Variants in EPHA5 observed in about 807,000 individuals in gnomAD.
The protein encoded by EPHA5 is ephrin type-A receptor 5.
In EPHA5, 60 loss-of-function variants were observed where a neutral mutation model predicts 105.0. The observed-to-expected ratio is 0.57, with a 90% confidence interval of 0.46 to 0.71. EPHA5 has a LOEUF of 0.71. EPHA5 is among the 30% of genes least tolerant of loss of function. The pLI is 0.00. For missense variants in EPHA5, 1,218 were observed against 1,274.7 expected (o/e 0.96, Z 0.68); for synonymous variants, 513 against 449.1 (o/e 1.14, Z -1.80).
At chr4:65,359,806 C>A (rs1442373200) in intron 11 of EPHA5, among the ~76,000 whole-genome samples, 1 of 151,680 alleles carries the variant, frequency 6.6e-6, no homozygotes, top group Non-Finnish European at 1.5e-5. Flanking sequence ...CTTAACCCAG[C>A]AGCCTTTCTG....
intron 3 of EPHA5, among the ~76,000 whole-genome samples, chr4:65,524,479 T>C (rs1735046870): frequency 1.3e-5 from 2 of 151,822 alleles, no homozygotes; most frequent in Non-Finnish European, 3.0e-5. Flanking sequence ...ATCAATATTC[T>C]ATGTTTTCTC....
chr4:65,577,221 T>C (rs969580266), intron 3 of EPHA5, among the ~76,000 whole-genome samples: 1 of 152,206 alleles, frequency 6.6e-6, no homozygotes, highest in Non-Finnish European at 1.5e-5. Flanking sequence ...ACGGGTGCAC[T>C]TTATATTAAC....
At position 65,321,973 on chromosome 4, in the gene EPHA5, C is replaced by A. The variant is rs1025300844; in HGVS notation, c.*2141G>T. ...ATTCAATAAAGTGCCACATAATCAT[C>A]ATTTATTTTGTACAAAAGTAATTTG... On this transcript the variant is annotated 3_prime_UTR_variant, in exon 17 of 17. Coordinates refer to ENST00000613740, the MANE Select transcript of EPHA5 (RefSeq NM_001281766.3). 2 of 225,848 alleles carry A rather than the reference C, an allele frequency of 8.9e-6. No homozygotes were observed. The highest frequency in any genetic ancestry group is 1.1e-4 in the Admixed American group (2 of 17,460). 14.0% of individuals were successfully genotyped at this position (225,848 alleles called of 1,614,324 possible).
At chr4:65,607,841 C>T (rs1476375954) in intron 2 of EPHA5, among the ~76,000 whole-genome samples, 1 of 152,116 alleles carries the variant, frequency 6.6e-6, no homozygotes, top group Non-Finnish European at 1.5e-5. Flanking sequence ...GGTATATATC[C>T]AAAGGATTCT....
intron 5 of EPHA5, among the ~76,000 whole-genome samples, chr4:65,477,340 A>C (rs1729920262): frequency 6.6e-6 from 1 of 152,168 alleles, no homozygotes; most frequent in African/African-American, 2.4e-5. Context: ...GAATTGGTTT[A>C]GATTTCTATT....
chr4:65,349,657 T>C (rs370977543), intron 13 of EPHA5, among the ~76,000 whole-genome samples: 2 of 152,140 alleles, frequency 1.3e-5, no homozygotes, highest in South Asian at 4.1e-4. Context: ...GGGGTCATAC[T>C]AAAAATTATT....
chr4:65,578,912 G>C (rs544035242), intron 3 of EPHA5, among the ~76,000 whole-genome samples: 1 of 152,028 alleles, frequency 6.6e-6, no homozygotes, highest in African/African-American at 2.4e-5. Flanking sequence ...AAATGCTAAA[G>C]ACCGCTATTA....
chr4:65,390,280 CCCCAGG>C (rs1209624876), intron 8 of EPHA5, among the ~76,000 whole-genome samples: 2 of 152,054 alleles, frequency 1.3e-5, no homozygotes, highest in East Asian at 3.9e-4. Flanking sequence ...GCCTTGATAA[CCCCAGG>C]CCCAGGTTCC....
intron 5 of EPHA5, among the ~76,000 whole-genome samples, chr4:65,450,479 G>T (rs1276715473): frequency 6.6e-6 from 1 of 152,098 alleles, no homozygotes; most frequent in Non-Finnish European, 1.5e-5. Flanking sequence ...AGCCACCCAT[G>T]ACCATTATGC....
At chr4:65,360,579 G>A (rs1242774816) in intron 11 of EPHA5, among the ~76,000 whole-genome samples, 1 of 151,472 alleles carries the variant, frequency 6.6e-6, no homozygotes, top group East Asian at 1.9e-4. Context: ...ATAGCTTATT[G>A]TGCAGATTAA....
chr4:65,534,349 T>A (rs1202551265), intron 3 of EPHA5, among the ~76,000 whole-genome samples: 1 of 152,194 alleles, frequency 6.6e-6, no homozygotes. Flanking sequence ...AAATATTTTG[T>A]TTACACAAAT....
rs568103920 is a variant in EPHA5 at position 65,399,093 on chromosome 4, G to A, written c.1793+5281C>T. Among the ~76,000 whole-genome samples, 11 of 152,304 alleles carry A rather than the reference G, an allele frequency of 7.2e-5. No homozygotes were observed. In the East Asian group the frequency reaches 7.7e-4, roughly 11 times the overall value. ...GGGAGCCCAGACCTATGGGTGCTCC[G>A]AGTCAGGAATGTGACACCCTCTTTG... On this transcript the variant is annotated intron_variant, in intron 8 of 16. Transcript: ENST00000613740.
At chr4:65,518,286 T>G (rs1734300919) in intron 3 of EPHA5, among the ~76,000 whole-genome samples, 1 of 152,006 alleles carries the variant, frequency 6.6e-6, no homozygotes, top group African/African-American at 2.4e-5. Context: ...TCTATACAAT[T>G]AAGATGATTT....
At chr4:65,559,065 T>C (rs1328018685) in intron 3 of EPHA5, among the ~76,000 whole-genome samples, 6 of 152,070 alleles carry the variant, frequency 3.9e-5, no homozygotes. Flanking sequence ...AAGTTGAAAT[T>C]AGGAAAAAAT....
intron 2 of EPHA5, among the ~76,000 whole-genome samples, chr4:65,603,159 C>A (rs1743906214): frequency 6.6e-6 from 1 of 151,992 alleles, no homozygotes; most frequent in Non-Finnish European, 1.5e-5. Context: ...AAATTAAGTA[C>A]AATTTATATA....
At chr4:65,566,140 C>A (rs1739508391) in intron 3 of EPHA5, among the ~76,000 whole-genome samples, 1 of 151,676 alleles carries the variant, frequency 6.6e-6, no homozygotes. Flanking sequence ...GCTTTCTGCT[C>A]CCATTTTCTC....
At chr4:65,624,606 A>G (rs1333449010) in intron 2 of EPHA5, among the ~76,000 whole-genome samples, 3 of 152,352 alleles carry the variant, frequency 2.0e-5, no homozygotes, top group East Asian at 1.9e-4. Flanking sequence ...TTCAATAAAC[A>G]CAATGGTCAT....
At chr4:65,487,285 A>G (rs893183927) in intron 5 of EPHA5, among the ~76,000 whole-genome samples, 1 of 152,204 alleles carries the variant, frequency 6.6e-6, no homozygotes, top group African/African-American at 2.4e-5. Context: ...GCCCTTGTTC[A>G]TTCCTCGGGA....
chr4:65,394,295 C>T (rs1262420367), intron 8 of EPHA5, among the ~76,000 whole-genome samples: 1 of 152,064 alleles, frequency 6.6e-6, no homozygotes, highest in Non-Finnish European at 1.5e-5. Context: ...AAATCAGAGG[C>T]TTCCCACACA....
Sources: allele counts gnomAD v4.1 joint callset (sites outside exome capture counted in the v4.1 genomes callset), GRCh38; gene constraint gnomAD v4.1.1; transcripts MANE v1.5; gene names NCBI Gene and HGNC (gene_info 2026-07-23, HGNC 2026-07-21).